The following ELMO1 variants were observed in gnomAD, a reference collection of about 807,000 sequenced individuals.
The protein encoded by ELMO1 is engulfment and cell motility 1.
Under a neutral mutation model 98.9 loss-of-function variants are expected in ELMO1, and 26 were observed. The observed-to-expected ratio is 0.26, with a 90% CI of 0.19 to 0.36. The LOEUF is 0.36. Among genes scored for constraint, ELMO1 ranks in the 10% least tolerant of loss-of-function variants. The probability of loss-of-function intolerance (pLI) is 1.00; values close to 1 mark genes in which losing one functional copy is unlikely to be tolerated. For synonymous variants in ELMO1, 346 were observed against 346.0 expected, an observed-to-expected ratio of 1.00 and a Z score of 0.00; for missense variants, 627 against 935.2, an observed-to-expected ratio of 0.67 and a Z score of 4.30.
intron 1 of ELMO1, among the ~76,000 whole-genome samples, chr7:37,365,435 C>T (rs1215819934): frequency 3.3e-5 from 5 of 152,176 alleles, no homozygotes; most frequent in Admixed American, 1.3e-4. Context: ...CAGAACAGAA[C>T]GGGTAGCAGG....
chr7:36,991,266 A>G (rs1360795651), intron 16 of ELMO1, among the ~76,000 whole-genome samples: 2 of 152,266 alleles, frequency 1.3e-5, no homozygotes, highest in East Asian at 1.9e-4. Context: ...ACACGTGCAC[A>G]TGCATGAGCC....
At chr7:37,169,332 C>T (rs921469124) in intron 13 of ELMO1, among the ~76,000 whole-genome samples, 32 of 152,192 alleles carry the variant, frequency 2.1e-4, no homozygotes, top group African/African-American at 6.8e-4. Context: ...GCTCGTGCAT[C>T]GTGCACTGCA....
At chr7:37,160,942 A>G (rs1256425324) in intron 13 of ELMO1, among the ~76,000 whole-genome samples, 2 of 152,284 alleles carry the variant, frequency 1.3e-5, no homozygotes, top group Non-Finnish European at 2.9e-5. Context: ...GCAAGCTTCA[A>G]TATCAGTTGA....
intron 15 of ELMO1, among the ~76,000 whole-genome samples, chr7:37,037,719 G>A (rs761165044): frequency 2.0e-5 from 3 of 152,122 alleles, no homozygotes; most frequent in Admixed American, 6.6e-5. Flanking sequence ...TCACTAGTCC[G>A]ACTCCCTCAC....
chr7:37,259,775 C>T (rs976329987), intron 5 of ELMO1, among the ~76,000 whole-genome samples: 1 of 152,206 alleles, frequency 6.6e-6, no homozygotes, highest in Non-Finnish European at 1.5e-5. Context: ...AGCACGCTCA[C>T]CCGTTCAGTC....
intron 13 of ELMO1, among the ~76,000 whole-genome samples, chr7:37,189,229 TA>T (rs1340539765): frequency 2.0e-5 from 3 of 152,130 alleles, no homozygotes; most frequent in Non-Finnish European, 4.4e-5. Flanking sequence ...CAAAAGGAAT[TA>T]AAAAACTGTA....
intron 14 of ELMO1, among the ~76,000 whole-genome samples, chr7:37,131,028 C>T (rs1056427935): frequency 6.6e-6 from 1 of 152,014 alleles, no homozygotes; most frequent in African/African-American, 2.4e-5. Context: ...ATTAGCTGCC[C>T]AGATCACTAT....
intron 16 of ELMO1, among the ~76,000 whole-genome samples, chr7:36,979,165 GA>G (rs760115185): frequency 1.3e-5 from 2 of 152,126 alleles, no homozygotes; most frequent in African/African-American, 2.4e-5. Flanking sequence ...AGAATAATCT[GA>G]AAGTAGAGAG....
chr7:37,133,589 C>A (rs1364035837), intron 13 of ELMO1, among the ~76,000 whole-genome samples: 2 of 152,130 alleles, frequency 1.3e-5, no homozygotes, highest in Non-Finnish European at 2.9e-5. Flanking sequence ...TAGAAAAAAA[C>A]TGGGATAAAG....
At chr7:37,147,510 C>G (rs561663032) in intron 13 of ELMO1, among the ~76,000 whole-genome samples, 10 of 152,170 alleles carry the variant, frequency 6.6e-5, no homozygotes, top group Non-Finnish European at 1.5e-4. Flanking sequence ...AGGGAATATC[C>G]TCCCTGAAAA....
At position 37,271,636 on chromosome 7, in the gene ELMO1, A is replaced by G. The variant is rs1050962658; in HGVS notation, c.243+196T>C. ...TTAGACAAGCTTGCCCTTCGCCTGG[A>G]ATAAGGTCTTCCTCCTCTGCAGTGG... On this transcript the variant is annotated intron_variant, in intron 5 of 21. Transcript: ENST00000310758. The G allele has an allele frequency of 1.2e-5, 7 of 573,886 alleles. No homozygotes were observed. The African/African-American group carries it at 1.3e-4, about 11-fold the overall frequency. The allele number at this position is 573,886 out of a possible 1,614,324, so 35.5% of individuals were successfully genotyped here. A position where few individuals can be genotyped will look rare whatever the true frequency, so the allele number is the denominator to read the frequency against.
intron 1 of ELMO1, among the ~76,000 whole-genome samples, chr7:37,360,024 C>A (rs1312931236): frequency 2.0e-5 from 3 of 152,086 alleles, no homozygotes; most frequent in Non-Finnish European, 4.4e-5. Context: ...CGGAAAAATA[C>A]CCCTGGCTCG....
At chr7:37,426,057 T>C (rs931455879) in intron 1 of ELMO1, among the ~76,000 whole-genome samples, 1 of 151,698 alleles carries the variant, frequency 6.6e-6, no homozygotes, top group Non-Finnish European at 1.5e-5. Flanking sequence ...TCACCTCAGC[T>C]CTTTCTGGCT....
chr7:37,210,518 T>C (rs1022320762), intron 13 of ELMO1, among the ~76,000 whole-genome samples: 2 of 151,174 alleles, frequency 1.3e-5, no homozygotes, highest in African/African-American at 2.4e-5. Flanking sequence ...TATATATATA[T>C]TTGGGTGTGT....
intron 1 of ELMO1, among the ~76,000 whole-genome samples, chr7:37,431,228 T>A (rs944681447): frequency 2.0e-5 from 3 of 152,144 alleles, no homozygotes; most frequent in Non-Finnish European, 2.9e-5. Flanking sequence ...TCCTAGTTAC[T>A]TAGGAGGCTG....
intron 4 of ELMO1, among the ~76,000 whole-genome samples, chr7:37,273,467 T>C (rs1796674708): frequency 6.6e-6 from 1 of 152,228 alleles, no homozygotes; most frequent in African/African-American, 2.4e-5. Flanking sequence ...GATTGTTAAG[T>C]TTTTTGAGGC....
At chr7:36,980,113 T>C (rs1790918946) in intron 16 of ELMO1, among the ~76,000 whole-genome samples, 1 of 152,182 alleles carries the variant, frequency 6.6e-6, no homozygotes, top group Admixed American at 6.5e-5. Context: ...CCTTGTCAGA[T>C]GGCAACACCT....
chr7:36,906,471 G>T (rs1296687174), intron 16 of ELMO1, among the ~76,000 whole-genome samples: 1 of 152,144 alleles, frequency 6.6e-6, no homozygotes, highest in Non-Finnish European at 1.5e-5. Flanking sequence ...TTTCTAATAA[G>T]TTGTTGATGC....
chr7:37,258,815 G>A (rs1795830101), intron 6 of ELMO1, among the ~76,000 whole-genome samples: 1 of 151,922 alleles, frequency 6.6e-6, no homozygotes, highest in African/African-American at 2.4e-5. Context: ...ATGGATTAAG[G>A]GAGGGAAAAT....
Sources: allele counts gnomAD v4.1 joint callset (sites outside exome capture counted in the v4.1 genomes callset), GRCh38; gene constraint gnomAD v4.1.1; transcripts MANE v1.5; gene names NCBI Gene and HGNC (gene_info 2026-07-23, HGNC 2026-07-21).